The following SEC14L2 variants were observed in gnomAD, a reference collection of about 807,000 sequenced individuals.
The protein encoded by SEC14L2 is SEC14-like protein 2.
SEC14L2 carries 50 observed loss-of-function variants against 56.9 expected under a neutral mutation model. That is an observed-to-expected ratio of 0.88 (90% CI 0.70 to 1.11). The LOEUF (loss-of-function observed/expected upper bound fraction) is 1.11. SEC14L2 is among the 50% of genes most tolerant of loss of function. The pLI, the probability that SEC14L2 is intolerant of heterozygous loss-of-function variation, is 0.00. For missense variants in SEC14L2, 414 were observed against 500.7 expected, an observed-to-expected ratio of 0.83 and a Z score of 1.65; for synonymous variants, 179 against 188.5, an observed-to-expected ratio of 0.95 and a Z score of 0.41.
chr22:30,397,844 G>A, intron 1 of SEC14L2: 1 of 471,140 alleles, frequency 2.1e-6, no homozygotes, highest in Non-Finnish European at 4.4e-6. Flanking sequence ...CAGGACTTAA[G>A]GTTTATGCTC....
intron 2 of SEC14L2, 31 bp downstream of exon 2, chr22:30,399,749 G>A: frequency 5.6e-6 from 9 of 1,594,708 alleles, no homozygotes; most frequent in Non-Finnish European, 7.7e-6. Context: ...GGAGGCTGGG[G>A]CAGGGGCTTG....
At chr22:30,417,044 C>T (rs780957328) in intron 11 of SEC14L2, 5 of 209,190 alleles carry the variant, frequency 2.4e-5, no homozygotes, top group Admixed American at 6.3e-5. Context: ...AGGATATTCC[C>T]GGTAGCCTGG....
chr22:30,404,009 CAAAAAAAAAAAA>C (rs67366822), intron 2 of SEC14L2, among the ~76,000 whole-genome samples: 43 of 93,234 alleles, frequency 4.6e-4, no homozygotes, highest in African/African-American at 1.3e-3. Flanking sequence ...GACTCCGTCT[CAAAAAAAAAAAA>C]AAAAAAAAGA....
intron 3 of SEC14L2, 77 bp downstream of exon 3, chr22:30,406,462 C>A: frequency 7.0e-7 from 1 of 1,426,554 alleles, no homozygotes; most frequent in Non-Finnish European, 9.8e-7. Context: ...TGCCGCACCT[C>A]CCATCCCAAT....
rs1569211191 is a variant in SEC14L2, at chr22:30,416,231, C to CAGGT, written c.912-2_913dup. 6.2e-7 allele frequency: 1 copy of CAGGT among 1,613,784 alleles called. No homozygotes were observed. The highest frequency in any genetic ancestry group is 1.1e-5 in the South Asian group (1 of 91,074). On this transcript the variant is annotated splice_region_variant and splice_polypyrimidine_tract_variant and intron_variant, in intron 10 of 11. Transcript: ENST00000615189. ...ATGTCTCAATTGGTGATATCCCCTG[C>CAGGT]AGGTGGCAGTTTATGTCAGATGGAG...
chr22:30,397,724 G>A (rs1401367672), intron 1 of SEC14L2: 5 of 396,510 alleles, frequency 1.3e-5, no homozygotes, highest in South Asian at 7.4e-5. Context: ...ATGTTGAAGG[G>A]AACACCTCCG....
rs778266971 is a variant in SEC14L2 at position 30,416,260 on chromosome 22, A to G, written c.938A>G (p.Asp313Gly). The part of the protein sequence containing the change: ...LRWQFMSDGA[D>G]VGFGIFLKTK... ...TGGCAGTTTATGTCAGATGGAGCGG[A>G]TGTTGGTTTTGGGATTTTCCTGAAG... The change falls in exon 11 of 12, where the codon GAT becomes GGT. Residue 313 changes from aspartate (D) to glycine (G), a missense_variant. Physicochemically the swap from Asp to Gly is moderately conservative, Grantham distance 94. Coordinates refer to ENST00000615189, the MANE Select transcript of SEC14L2 (RefSeq NM_012429.5). 1 of 1,614,198 alleles carries G rather than the reference A, an allele frequency of 6.2e-7. No individual in the cohort carries two copies. Among genetic ancestry groups the G allele is most frequent in the Non-Finnish European group, 8.5e-7 (1 of 1,180,036 alleles).
chr22:30,401,433 AC>A (rs1403132829), intron 2 of SEC14L2, among the ~76,000 whole-genome samples: 1 of 151,398 alleles, frequency 6.6e-6, no homozygotes, highest in East Asian at 1.9e-4. Context: ...TGATCTGCCC[AC>A]CTCAGCCTCC....
rs753239810 is a variant in SEC14L2 at position 30,399,646 on chromosome 22, C to T, written c.58C>T (p.Arg20Trp). The T allele has an allele frequency of 7.4e-6, 12 of 1,612,760 alleles. No homozygotes were observed. Among genetic ancestry groups the T allele is most frequent in the African/African-American group, 1.3e-5 (1 of 74,866 alleles). The part of the protein sequence containing the change: ...PRQKEALAKF[R>W]ENVQDVLPAL... ...ACCCCGATGCCTCTCCCTACAGTTTCGGGAGAATGTCCAGGATGTGCTGCC... is the reference window on the plus strand; with the variant it reads ...ACCCCGATGCCTCTCCCTACAGTTTTGGGAGAATGTCCAGGATGTGCTGCC... The change falls in exon 2 of 12, where the codon CGG becomes TGG. Residue 20 changes from arginine (R) to tryptophan (W), a missense_variant. Transcript: ENST00000615189.
intron 8 of SEC14L2, among the ~76,000 whole-genome samples, chr22:30,411,359 G>A (rs1301789864): frequency 1.3e-5 from 2 of 152,182 alleles, no homozygotes; most frequent in Non-Finnish European, 2.9e-5. Flanking sequence ...GAGCAAGGTT[G>A]CTTTCAGTTG....
rs1934570135 is a variant in SEC14L2, at chr22:30,423,261, C to T, written c.*854C>T. 6.5e-6 allele frequency: 1 copy of T among 152,732 alleles called. No homozygotes were observed. The highest frequency in any genetic ancestry group is 2.1e-4 in the South Asian group (1 of 4,824). 9.5% of individuals were successfully genotyped at this position (152,732 alleles called of 1,614,324 possible). A position where few individuals can be genotyped will look rare whatever the true frequency, so the allele number is the denominator to read the frequency against. On this transcript the variant is annotated 3_prime_UTR_variant, in exon 12 of 12. Transcript: ENST00000615189. Reference sequence around the variant, plus strand: ...CAAGCAGTCCTCCATGTGAGCAACCCCGAGACAAAAATGCTAAGTGGGATC... The same window carrying T: ...CAAGCAGTCCTCCATGTGAGCAACCTCGAGACAAAAATGCTAAGTGGGATC...
chr22:30,407,145 G>A lies in SEC14L2; in HGVS notation c.225G>A (p.Gln75=), dbSNP rs1178730142. ...QKDIDNIISW[Q]PPEVIQQYLS... ...ACATTGACAACATCATTAGCTGGCA[G>A]CCTCCAGAGGTGAGCACAAATTATC... Residue 75 remains glutamine (Q), a synonymous_variant, in exon 4 of 12, where the codon CAG becomes CAA. Coordinates refer to ENST00000615189, the MANE Select transcript of SEC14L2 (RefSeq NM_012429.5). The A allele has an allele frequency of 6.2e-7, 1 of 1,613,994 alleles. No individual in the cohort carries two copies. The highest frequency in any genetic ancestry group is 1.7e-5 in the Admixed American group (1 of 60,010).
chr22:30,411,402 A>G (rs1934241973), intron 8 of SEC14L2, among the ~76,000 whole-genome samples: 1 of 152,172 alleles, frequency 6.6e-6, no homozygotes, highest in Non-Finnish European at 1.5e-5. Context: ...TTTGACAAGC[A>G]CATAGTATGT....
intron 2 of SEC14L2, among the ~76,000 whole-genome samples, chr22:30,404,017 A>G: frequency 7.3e-6 from 1 of 136,528 alleles, no homozygotes; most frequent in South Asian, 2.4e-4. Flanking sequence ...CTCAAAAAAA[A>G]AAAAAAAAAA....
chr22:30,422,513 G>A lies in SEC14L2; in HGVS notation c.*106G>A. 2.1e-6 allele frequency: 3 copies of A among 1,420,894 alleles called. No homozygotes were observed. The highest frequency in any genetic ancestry group is 2.9e-6 in the Non-Finnish European group (3 of 1,040,986). The allele number at this position is 1,420,894 out of a possible 1,614,324, so 88.0% of individuals were successfully genotyped here. ...CCCTGAAGCCCAAAGAAACTGGGCT[G>A]GAGGACAGACCTCAGGAGCTTTCAT... On this transcript the variant is annotated 3_prime_UTR_variant, in exon 12 of 12. Coordinates refer to ENST00000615189, the MANE Select transcript of SEC14L2 (RefSeq NM_012429.5).
chr22:30,400,920 A>T (rs1424973172), intron 2 of SEC14L2, among the ~76,000 whole-genome samples: 4 of 140,038 alleles, frequency 2.9e-5, no homozygotes, highest in Admixed American at 6.9e-5. Flanking sequence ...AAAAAAAAAA[A>T]AAAGAAGGTT....
rs1374386494 is a variant in SEC14L2 at position 30,425,000 on chromosome 22, G to A, written c.*2593G>A. 3 of 370,442 alleles carry A rather than the reference G, an allele frequency of 8.1e-6. No homozygotes were observed. The highest frequency in any genetic ancestry group is 1.6e-5 in the Non-Finnish European group (3 of 186,020). The allele number at this position is 370,442 out of a possible 1,614,324, so 22.9% of individuals were successfully genotyped here. A position where few individuals can be genotyped will look rare whatever the true frequency, so the allele number is the denominator to read the frequency against. On this transcript the variant is annotated 3_prime_UTR_variant, in exon 12 of 12. Transcript: ENST00000615189. ...CCTAGTTATACATGGCGACTGCTGAGAAGGGACTCCAGAGTCCAGGCACCT... is the reference window on the plus strand; with the variant it reads ...CCTAGTTATACATGGCGACTGCTGAAAAGGGACTCCAGAGTCCAGGCACCT...
Position 30,410,672 on chromosome 22 carries a change from C to T in SEC14L2, c.657C>T (p.Val219=). 6.2e-7 allele frequency: 1 copy of T among 1,614,066 alleles called. No individual in the cohort carries two copies. Among genetic ancestry groups the T allele is most frequent in the Non-Finnish European group, 8.5e-7 (1 of 1,179,900 alleles). ...AGGACACTCGTAAGAAGATCATGGTCCTGGGAGGTAAGTGGTCCAGACTGT... is the reference window on the plus strand; with the variant it reads ...AGGACACTCGTAAGAAGATCATGGTTCTGGGAGGTAAGTGGTCCAGACTGT... The part of the protein sequence containing the change: ...LSEDTRKKIM[V]LGANWKEVLL... Residue 219 remains valine (V), a synonymous_variant, in exon 8 of 12, where the codon GTC becomes GTT. Coordinates refer to ENST00000615189, the MANE Select transcript of SEC14L2 (RefSeq NM_012429.5).
intron 2 of SEC14L2, chr22:30,400,465 T>A (rs1043870404): frequency 6.6e-6 from 1 of 152,276 alleles, no homozygotes; most frequent in South Asian, 2.1e-4. Flanking sequence ...GGTGCCCCAA[T>A]CCCTGAGATG....
Sources: gnomAD v4.1 joint callset for allele counts (sites outside exome capture counted in the v4.1 genomes callset) on GRCh38, gnomAD v4.1.1 for gene constraint, MANE v1.5 for transcripts, NCBI Gene and HGNC (gene_info 2026-07-23, HGNC 2026-07-21) for gene names.